The following EPHA4 variants were observed in gnomAD, a reference collection of about 807,000 sequenced individuals.
The protein encoded by EPHA4 is ephrin type-A receptor 4.
A neutral mutation model predicts 108.3 loss-of-function variants in EPHA4; 19 were observed. The observed-to-expected ratio is 0.18, with a 90% CI of 0.12 to 0.26. EPHA4 has a LOEUF of 0.26. Among genes scored for constraint, EPHA4 ranks in the 10% least tolerant of loss-of-function variants. The pLI is 1.00. For synonymous variants in EPHA4, 449 were observed against 455.5 expected (o/e 0.99, Z 0.18); for missense variants, 917 against 1,254.0 (o/e 0.73, Z 4.06).
chr2:221,563,669 A>G, intron 3 of EPHA4, 62 bp downstream of exon 3: 7 of 1,560,390 alleles, frequency 4.5e-6, no homozygotes, highest in Non-Finnish European at 5.2e-6. Flanking sequence ...ATTTAGTCTC[A>G]TCTCTGATTT....
intron 4 of EPHA4, among the ~76,000 whole-genome samples, chr2:221,498,754 C>CAGGTGAA (rs1692380946): frequency 6.6e-6 from 1 of 150,672 alleles, no homozygotes; most frequent in Non-Finnish European, 1.5e-5. Flanking sequence ...GCTGGGACCA[C>CAGGTGAA]AGGTGAAAGG....
intron 11 of EPHA4, among the ~76,000 whole-genome samples, 185 bp downstream of exon 11, chr2:221,442,644 G>A (rs1371359192): frequency 6.6e-6 from 1 of 152,046 alleles, no homozygotes; most frequent in East Asian, 1.9e-4. Context: ...TTGGAGATAG[G>A]GTATCCAGCC....
chr2:221,559,764 G>C (rs1416866254), intron 3 of EPHA4, among the ~76,000 whole-genome samples: 1 of 152,126 alleles, frequency 6.6e-6, no homozygotes, highest in East Asian at 1.9e-4. Flanking sequence ...GGACTAACTA[G>C]AATCATTATA....
chr2:221,572,498 AG>A, upstream of EPHA4: 1 of 217,650 alleles, frequency 4.6e-6, no homozygotes, highest in Non-Finnish European at 7.5e-6. Context: ...CCGGGGCTCT[AG>A]GGGGCGAGCA....
chr2:221,461,163 C>T (rs1378432504), intron 5 of EPHA4, among the ~76,000 whole-genome samples: 1 of 152,178 alleles, frequency 6.6e-6, no homozygotes, highest in Non-Finnish European at 1.5e-5. Flanking sequence ...CTCAGAATTA[C>T]TGAGAAAGAA....
intron 3 of EPHA4, among the ~76,000 whole-genome samples, chr2:221,504,522 C>A (rs1185041418): frequency 1.5e-5 from 2 of 135,534 alleles, no homozygotes; most frequent in African/African-American, 2.8e-5. Context: ...GCTGATTACA[C>A]CTACTATTTG....
chr2:221,460,810 A>G (rs1306472335), intron 5 of EPHA4, among the ~76,000 whole-genome samples: 3 of 152,018 alleles, frequency 2.0e-5, no homozygotes, highest in Admixed American at 6.6e-5. Context: ...ACATTTTGCA[A>G]TTTTCCCCCT....
chr2:221,508,317 G>A lies in EPHA4; in HGVS notation c.824-7145C>T, dbSNP rs538284687. On this transcript the variant is annotated intron_variant, in intron 3 of 17. Transcript: ENST00000281821. ...TTTGAGGCCGGGCGTGGTGGCTCAC[G>A]CCTGTAATCCCAGCACTTTGGGAGG... 3.9e-5 allele frequency among the ~76,000 whole-genome samples: 6 copies of A among 152,236 alleles called. No individual in the cohort carries two copies. In the South Asian group the frequency reaches 8.3e-4, roughly 21 times the overall value.
chr2:221,509,236 G>A (rs1214897424), intron 3 of EPHA4, among the ~76,000 whole-genome samples: 1 of 152,196 alleles, frequency 6.6e-6, no homozygotes, highest in African/African-American at 2.4e-5. Context: ...GCTGAGGTAG[G>A]AGAATCACTT....
At chr2:221,501,223 C>A in intron 3 of EPHA4, 51 bp from the exon 4 acceptor site, 2 of 1,476,554 alleles carry the variant, frequency 1.4e-6, no homozygotes, top group African/African-American at 2.8e-5. Flanking sequence ...GCAAATAGAC[C>A]AAAGCAAAAA....
intron 2 of EPHA4, among the ~76,000 whole-genome samples, chr2:221,566,335 A>G (rs1174199784): frequency 1.3e-5 from 2 of 152,184 alleles, no homozygotes; most frequent in African/African-American, 2.4e-5. Context: ...CCTAACTGCA[A>G]GCAGAGATTT....
intron 3 of EPHA4, among the ~76,000 whole-genome samples, chr2:221,537,722 G>A (rs1418521184): frequency 1.3e-5 from 2 of 152,194 alleles, no homozygotes. Context: ...CCTAAGAGTT[G>A]GAGGCTGCAA....
intron 11 of EPHA4, 105 bp downstream of exon 11, chr2:221,442,724 G>A (rs1000496903): frequency 1.6e-5 from 18 of 1,160,124 alleles, no homozygotes; most frequent in South Asian, 2.8e-5. Flanking sequence ...CCTCCTATTA[G>A]CAATCAGTGG....
At chr2:221,501,482 C>T (rs965553848) in intron 3 of EPHA4, 2 of 242,092 alleles carry the variant, frequency 8.3e-6, no homozygotes, top group African/African-American at 4.5e-5. Flanking sequence ...ACCCTTTATA[C>T]ACATTATGCT....
At chr2:221,555,210 T>C (rs1694271061) in intron 3 of EPHA4, among the ~76,000 whole-genome samples, 1 of 152,202 alleles carries the variant, frequency 6.6e-6, no homozygotes, top group Admixed American at 6.5e-5. Flanking sequence ...AATAGTCTCC[T>C]CTCTGCCTCC....
At position 221,454,303 on chromosome 2, in the gene EPHA4, GC is replaced by G. The variant is rs1030976575; in HGVS notation, c.1715+1243del. Among the ~76,000 whole-genome samples the G allele has an allele frequency of 3.0e-4, 45 of 151,998 alleles. 1 individual carries two copies. The highest frequency in any genetic ancestry group is 9.9e-4 in the African/African-American group (41 of 41,460). ...GAGGAAAGTAAAAGCATAGTGGCTT[GC>G]CCAGGCCAGTGGAAATAGCCAAAGG... On this transcript the variant is annotated intron_variant, in intron 8 of 17. Transcript: ENST00000281821.
chr2:221,522,398 A>C (rs1693189935), intron 3 of EPHA4, among the ~76,000 whole-genome samples: 2 of 152,226 alleles, frequency 1.3e-5, no homozygotes, highest in Non-Finnish European at 2.9e-5. Flanking sequence ...AAGCTGTAGG[A>C]TTGGTCCAGT....
intron 3 of EPHA4, among the ~76,000 whole-genome samples, chr2:221,535,285 T>C (rs1252479826): frequency 6.6e-6 from 1 of 152,222 alleles, no homozygotes. Context: ...GTCTTGAGGA[T>C]TGATGTTAAA....
At chr2:221,441,197 C>CTTTTT (rs201795751) in intron 11 of EPHA4, among the ~76,000 whole-genome samples, 3 of 132,066 alleles carry the variant, frequency 2.3e-5, no homozygotes, top group African/African-American at 2.8e-5. Context: ...CTTTTCTTTT[C>CTTTTT]TTTTTTTTTT....
Sources: allele counts gnomAD v4.1 joint callset (sites outside exome capture counted in the v4.1 genomes callset), GRCh38; gene constraint gnomAD v4.1.1; transcripts MANE v1.5; gene names NCBI Gene and HGNC (gene_info 2026-07-23, HGNC 2026-07-21).